The following HCRTR2 variants were observed in gnomAD, a reference collection of about 807,000 sequenced individuals.
HCRTR2 encodes orexin receptor type 2.
HCRTR2 carries 22 observed loss-of-function variants against 49.0 expected under a neutral mutation model. The observed-to-expected ratio is 0.45, with a 90% CI of 0.32 to 0.64. HCRTR2 has a LOEUF of 0.64. HCRTR2 is among the 30% of genes least tolerant of loss of function. HCRTR2 has a pLI of 0.04. For synonymous variants in HCRTR2, 236 were observed against 205.3 expected (o/e 1.15, Z -1.28); for missense variants, 491 against 559.4 (o/e 0.88, Z 1.23).
intron 1 of HCRTR2, among the ~76,000 whole-genome samples, chr6:55,220,340 A>T (rs1372758073): frequency 6.6e-6 from 1 of 152,204 alleles, no homozygotes; most frequent in Non-Finnish European, 1.5e-5. Context: ...TCAACAGTGC[A>T]TTAAAAGGAT....
chr6:55,115,504 GT>G lies in HCRTR2; in HGVS notation c.-378+8960del, dbSNP rs1561975614. 1.8e-3 allele frequency among the ~76,000 whole-genome samples: 268 copies of G among 150,884 alleles called. 1 individual carries two copies. The highest frequency in any genetic ancestry group is 6.2e-3 in the African/African-American group (256 of 41,042). On this transcript the variant is annotated intron_variant, in intron 1 of 7. Coordinates refer to the HCRTR2 transcript ENST00000615358. ...AGTGTGTGTGTGTGTGTGTGTGTGT[GT>G]GTGTGTGGTAGTAGTAGTAGTAGTA...
rs201391563 is a variant in HCRTR2, at chr6:55,255,295, G to T, written c.562G>T (p.Ala188Ser). The change falls in exon 3 of 7, where the codon GCC becomes TCC. Residue 188 changes from alanine to serine, a missense_variant. Ala to Ser is a moderately conservative substitution (Grantham distance 99). Transcript: ENST00000370862. Reference sequence around the variant, plus strand: ...CTCCTGCATTATAATGATTCCTCAGGCCATCGTCATGGAGTGCAGCACCGT... The same window carrying T: ...CTCCTGCATTATAATGATTCCTCAGTCCATCGTCATGGAGTGCAGCACCGT... The part of the protein sequence containing the change: ...IVSCIIMIPQ[A>S]IVMECSTVFP... 5 of 1,613,964 alleles carry T rather than the reference G, an allele frequency of 3.1e-6. No homozygotes were observed. In the South Asian group the frequency reaches 4.4e-5, roughly 14 times the overall value.
intron 5 of HCRTR2, among the ~76,000 whole-genome samples, chr6:55,278,547 G>A (rs1247382781): frequency 6.6e-6 from 1 of 151,916 alleles, no homozygotes; most frequent in East Asian, 1.9e-4. Context: ...ATGGTTTAAC[G>A]GCTTTTTCAA....
intron 1 of HCRTR2, among the ~76,000 whole-genome samples, chr6:55,175,770 G>A (rs1222170676): frequency 1.3e-5 from 2 of 152,040 alleles, no homozygotes; most frequent in African/African-American, 4.8e-5. Context: ...AGGGCAGTTG[G>A]GGAATATACC....
rs182863371 is a variant in HCRTR2, at chr6:55,109,055, A to G, written c.-378+2510A>G. Among the ~76,000 whole-genome samples the G allele has an allele frequency of 2.5e-4, 38 of 152,252 alleles. 1 individual carries two copies. The highest frequency in any genetic ancestry group is 8.9e-4 in the African/African-American group (37 of 41,562). ...TGGTATCCACGGCTGAGGGACCTGA[A>G]GATTGATCATATCACAGGACTCTGC... On this transcript the variant is annotated intron_variant, in intron 1 of 7. Transcript: ENST00000615358.
chr6:55,148,249 C>CGT (rs1053767547), intron 1 of HCRTR2, among the ~76,000 whole-genome samples: 8 of 150,906 alleles, frequency 5.3e-5, no homozygotes, highest in East Asian at 1.9e-4. Flanking sequence ...TGTGTGTGTG[C>CGT]GTGTGTGTGT....
intron 1 of HCRTR2, among the ~76,000 whole-genome samples, chr6:55,116,586 T>C (rs1417859864): frequency 6.6e-6 from 1 of 151,392 alleles, no homozygotes; most frequent in Non-Finnish European, 1.5e-5. Flanking sequence ...ATATTTCTTC[T>C]TGAAATACCT....
chr6:55,240,272 G>A (rs1562018602), intron 1 of HCRTR2, among the ~76,000 whole-genome samples: 1 of 149,556 alleles, frequency 6.7e-6, no homozygotes, highest in East Asian at 2.0e-4. Context: ...GCAGGAGAAT[G>A]GCGTGAACCC....
chr6:55,143,080 C>G (rs1764531494), intron 1 of HCRTR2, among the ~76,000 whole-genome samples: 1 of 150,968 alleles, frequency 6.6e-6, no homozygotes, highest in Non-Finnish European at 1.5e-5. Flanking sequence ...TCTAGATAAT[C>G]ATAAGGGGTT....
intron 1 of HCRTR2, among the ~76,000 whole-genome samples, chr6:55,196,286 G>C (rs922316472): frequency 2.0e-5 from 3 of 152,064 alleles, no homozygotes; most frequent in African/African-American, 7.3e-5. Context: ...AGGCAAAAAT[G>C]CCTGACCTTC....
chr6:55,204,505 C>T (rs1240179008), intron 1 of HCRTR2, among the ~76,000 whole-genome samples: 1 of 151,992 alleles, frequency 6.6e-6, no homozygotes, highest in Non-Finnish European at 1.5e-5. Context: ...AGAGTGGAAG[C>T]AGGGAAATAT....
intron 6 of HCRTR2, 75 bp from the exon 7 acceptor site, chr6:55,282,150 C>A: frequency 9.5e-7 from 1 of 1,056,378 alleles, no homozygotes. Flanking sequence ...GGGAGCAACT[C>A]AGTTGTACCC....
At chr6:55,274,365 AAC>A (rs1374090070) in intron 4 of HCRTR2, among the ~76,000 whole-genome samples, 1 of 146,860 alleles carries the variant, frequency 6.8e-6, no homozygotes, top group African/African-American at 2.5e-5. Context: ...GTATGCCTAA[AAC>A]ACATTCTTTT....
intron 4 of HCRTR2, among the ~76,000 whole-genome samples, chr6:55,276,296 T>C (rs1389279833): frequency 6.6e-6 from 1 of 152,236 alleles, no homozygotes. Flanking sequence ...AAAGGAAATG[T>C]CATATTAATT....
chr6:55,134,799 A>G (rs764832963), intron 1 of HCRTR2, among the ~76,000 whole-genome samples: 5 of 152,014 alleles, frequency 3.3e-5, no homozygotes, highest in Non-Finnish European at 7.4e-5. Context: ...GTCATTGCAA[A>G]TGGCAGGATT....
At chr6:55,240,014 TGATCCCCCCGCCTC>T (rs1340942772) in intron 1 of HCRTR2, among the ~76,000 whole-genome samples, 3 of 151,380 alleles carry the variant, frequency 2.0e-5, no homozygotes, top group Non-Finnish European at 4.4e-5. Flanking sequence ...TGACCGCGGG[TGATCCCCCCGCCTC>T]GTTCTCCCAA....
At chr6:55,234,318 T>C (rs988263885) in intron 1 of HCRTR2, among the ~76,000 whole-genome samples, 1 of 151,950 alleles carries the variant, frequency 6.6e-6, no homozygotes, top group Admixed American at 6.6e-5. Context: ...ACACCTGACT[T>C]ATAGAAAAAA....
intron 1 of HCRTR2, among the ~76,000 whole-genome samples, chr6:55,217,000 G>A (rs1232327537): frequency 1.3e-5 from 2 of 152,160 alleles, no homozygotes; most frequent in Non-Finnish European, 2.9e-5. Context: ...CACTGCCAAG[G>A]CTTATGGCTT....
chr6:55,242,646 C>T (rs1335619639), intron 1 of HCRTR2, among the ~76,000 whole-genome samples: 1 of 152,168 alleles, frequency 6.6e-6, no homozygotes, highest in East Asian at 1.9e-4. Context: ...GTTGGCATTT[C>T]AAGGCCCAAG....
Sources: gnomAD v4.1 joint callset for allele counts (sites outside exome capture counted in the v4.1 genomes callset) on GRCh38, gnomAD v4.1.1 for gene constraint, MANE v1.5 for transcripts, NCBI Gene and HGNC (gene_info 2026-07-23, HGNC 2026-07-21) for gene names.